Variants in PDZD2 observed in about 807,000 individuals in gnomAD.
PDZD2 encodes the protein PDZ domain containing 2.
Under a neutral mutation model 220.7 loss-of-function variants are expected in PDZD2, and 90 were observed. The ratio of observed to expected loss-of-function variants is 0.41; its 90% CI spans 0.34 to 0.49. The LOEUF is 0.49. Ranked by LOEUF, PDZD2 falls within the 20% of genes least tolerant of loss-of-function variation. The probability of loss-of-function intolerance (pLI) is 0.28; values close to 1 mark genes in which losing one functional copy is unlikely to be tolerated. For missense variants in PDZD2, 3,174 were observed against 3,608.5 expected, an observed-to-expected ratio of 0.88 and a Z score of 3.08; for synonymous variants, 1,375 against 1,450.5, an observed-to-expected ratio of 0.95 and a Z score of 1.18.
At chr5:31,989,116 T>C (rs939568101) in intron 3 of PDZD2, among the ~76,000 whole-genome samples, 1 of 152,228 alleles carries the variant, frequency 6.6e-6, no homozygotes, top group Non-Finnish European at 1.5e-5. Flanking sequence ...TATTACGTAG[T>C]GATGAAGTTC....
At chr5:31,984,023 C>T (rs1235342635) in intron 3 of PDZD2, among the ~76,000 whole-genome samples, 2 of 152,196 alleles carry the variant, frequency 1.3e-5, no homozygotes, top group African/African-American at 4.8e-5. Flanking sequence ...TCGCTGCTGT[C>T]ACCAGTGGAA....
intron 2 of PDZD2, among the ~76,000 whole-genome samples, chr5:31,903,773 G>T (rs904764240): frequency 6.6e-6 from 1 of 152,012 alleles, no homozygotes; most frequent in Non-Finnish European, 1.5e-5. Context: ...GCCCAGGCTG[G>T]AGTGTAATGG....
At chr5:31,686,684 C>T (rs1256030719) in intron 1 of PDZD2, among the ~76,000 whole-genome samples, 1 of 152,144 alleles carries the variant, frequency 6.6e-6, no homozygotes, top group Admixed American at 6.5e-5. Flanking sequence ...ATATTTCTTA[C>T]CGAATATCCA....
At chr5:32,105,151 CAAT>C (rs1347791430) in intron 24 of PDZD2, among the ~76,000 whole-genome samples, 1 of 151,832 alleles carries the variant, frequency 6.6e-6, no homozygotes, top group African/African-American at 2.4e-5. Context: ...AACAATCAAT[CAAT>C]CAATCAATCA....
chr5:31,648,777 A>G (rs1745229364), intron 1 of PDZD2, among the ~76,000 whole-genome samples: 1 of 151,008 alleles, frequency 6.6e-6, no homozygotes, highest in South Asian at 2.1e-4. Flanking sequence ...CAGAGCCTCC[A>G]CTCTCATCAA....
Position 32,089,694 on chromosome 5 carries a change from T to A in PDZD2, c.6246T>A (p.Asp2082Glu). The A allele has an allele frequency of 6.2e-7, 1 of 1,614,148 alleles. No homozygotes were observed. Among genetic ancestry groups the A allele is most frequent in the South Asian group, 1.1e-5 (1 of 91,086 alleles). ...AAGGAGGCAACATAATGGCCAGCGA[T>A]CGCCTCGAAAGAACAAACCAGCTGA... ...GEKGGNIMAS[D>E]RLERTNQLKI... is the part of the protein sequence containing the mutation. Residue 2082 changes from aspartate (D) to glutamate (E), a missense_variant, in exon 20 of 25, where the codon GAT (aspartate) becomes GAA (glutamate). By Grantham distance (45) the Asp-to-Glu change is conservative (BLOSUM62 2). Transcript: ENST00000438447.
chr5:31,917,484 C>T (rs1743794152), intron 2 of PDZD2, among the ~76,000 whole-genome samples: 1 of 152,198 alleles, frequency 6.6e-6, no homozygotes, highest in African/African-American at 2.4e-5. Context: ...GCCATGTTCA[C>T]ACCACTGCAC....
chr5:31,722,888 A>G (rs1748890484), intron 1 of PDZD2, among the ~76,000 whole-genome samples: 2 of 152,098 alleles, frequency 1.3e-5, no homozygotes, highest in African/African-American at 2.4e-5. Context: ...GGGTTTCACC[A>G]TGTTGTCCAG....
rs1337351518 is a variant in PDZD2, at chr5:31,892,734, A to AT, written c.477-90415dup. Among the ~76,000 whole-genome samples, 6 of 8,022 alleles carry AT rather than the reference A, an allele frequency of 7.5e-4. No homozygotes were observed. The East Asian group carries it at 0.015, about 20-fold the overall frequency. The allele number at this position is 8,022 out of a possible 152,430, so 5.3% of individuals were successfully genotyped here. Reference sequence around the variant, plus strand: ...AGGTGTGCACCACCACACCCGGCTAATTTTTTGTATTGTGGGTGGGCGGGG... The same window carrying AT: ...AGGTGTGCACCACCACACCCGGCTAATTTTTTTGTATTGTGGGTGGGCGGGG... On this transcript the variant is annotated intron_variant, in intron 2 of 24. Coordinates refer to ENST00000438447, the MANE Select transcript of PDZD2 (RefSeq NM_178140.4).
intron 1 of PDZD2, among the ~76,000 whole-genome samples, chr5:31,775,438 T>C (rs760533487): frequency 1.3e-5 from 2 of 152,182 alleles, no homozygotes; most frequent in African/African-American, 2.4e-5. Flanking sequence ...TTTTCTCCTT[T>C]GCAGCTCCTT....
intron 1 of PDZD2, among the ~76,000 whole-genome samples, chr5:31,733,568 G>C (rs1217301522): frequency 6.6e-6 from 1 of 152,130 alleles, no homozygotes. Context: ...GACTTTTTCT[G>C]GAACCAGTGT....
rs1225580238 is a variant in PDZD2 at position 32,062,760 on chromosome 5, C to T, written c.2451+1626C>T. ...ACTACTCACACAATTGTTCTGTAAT[C>T]TACCTAAGCAGCATAAATATGTATT... On this transcript the variant is annotated intron_variant, in intron 14 of 24. Transcript: ENST00000438447. 3.9e-5 allele frequency among the ~76,000 whole-genome samples: 6 copies of T among 152,130 alleles called. No individual in the cohort carries two copies. The East Asian group carries it at 1.2e-3, about 29-fold the overall frequency.
At chr5:31,858,125 CTTT>C (rs765496788) in intron 2 of PDZD2, among the ~76,000 whole-genome samples, 1 of 151,954 alleles carries the variant, frequency 6.6e-6, no homozygotes, top group Non-Finnish European at 1.5e-5. Context: ...CGCACCTGGC[CTTT>C]TTTTGTGTGT....
intron 19 of PDZD2, 116 bp downstream of exon 19, chr5:32,077,722 C>T (rs1269868727): frequency 1.0e-5 from 11 of 1,050,630 alleles, no homozygotes; most frequent in Middle Eastern, 5.6e-4. Flanking sequence ...TCTGGGAGGC[C>T]GAGGTGGGCG....
At chr5:31,726,937 T>TG (rs1321780352) in intron 1 of PDZD2, among the ~76,000 whole-genome samples, 1 of 152,118 alleles carries the variant, frequency 6.6e-6, no homozygotes, top group Non-Finnish European at 1.5e-5. Context: ...GCTCAGCTTC[T>TG]GGGGGGCCTC....
chr5:31,720,995 C>G (rs1258767920), intron 1 of PDZD2, among the ~76,000 whole-genome samples: 1 of 152,020 alleles, frequency 6.6e-6, no homozygotes. Flanking sequence ...TGGGGGAAAA[C>G]GAGAGAGGCA....
intron 6 of PDZD2, among the ~76,000 whole-genome samples, chr5:32,014,706 CTTTTTTTTTTTT>C (rs556276502): frequency 4.2e-5 from 4 of 95,430 alleles, no homozygotes; most frequent in Non-Finnish European, 6.0e-5. Flanking sequence ...ATGACAATTT[CTTTTTTTTTTTT>C]TTTTTTTTTT....
intron 19 of PDZD2, among the ~76,000 whole-genome samples, chr5:32,079,320 T>C (rs1741682992): frequency 6.7e-6 from 1 of 150,272 alleles, no homozygotes. Flanking sequence ...ACTTGCACTC[T>C]GTGGGTAGGG....
chr5:31,919,976 T>C (rs944682664), intron 2 of PDZD2, among the ~76,000 whole-genome samples: 9 of 152,070 alleles, frequency 5.9e-5, no homozygotes, highest in Admixed American at 6.6e-5. Context: ...GCTATGACTG[T>C]GCCACTGCAT....
Sources: gnomAD v4.1 joint callset for allele counts (sites outside exome capture counted in the v4.1 genomes callset) on GRCh38, gnomAD v4.1.1 for gene constraint, MANE v1.5 for transcripts, NCBI Gene and HGNC (gene_info 2026-07-23, HGNC 2026-07-21) for gene names.